IKZF2: variants seen among roughly 807,000 people sequenced by gnomAD.
The protein encoded by IKZF2 is IKAROS family zinc finger 2.
Under a neutral mutation model 49.2 loss-of-function variants are expected in IKZF2, and 15 were observed. The ratio of observed to expected loss-of-function variants is 0.30; its 90% CI spans 0.20 to 0.47. The LOEUF (loss-of-function observed/expected upper bound fraction) is 0.47. Among genes scored for constraint, IKZF2 ranks in the 20% least tolerant of loss-of-function variants. IKZF2 has a pLI of 1.00. For missense variants in IKZF2, 567 were observed against 664.6 expected, an observed-to-expected ratio of 0.85 and a Z score of 1.61; for synonymous variants, 227 against 221.4, an observed-to-expected ratio of 1.03 and a Z score of -0.23.
At chr2:213,025,596 C>T (rs1476888993) in intron 6 of IKZF2, among the ~76,000 whole-genome samples, 1 of 152,212 alleles carries the variant, frequency 6.6e-6, no homozygotes, top group Non-Finnish European at 1.5e-5. Context: ...TAATACATAT[C>T]GAGTTATTAA....
intron 8 of IKZF2, among the ~76,000 whole-genome samples, chr2:213,013,073 A>G (rs764091424): frequency 6.6e-6 from 1 of 152,022 alleles, no homozygotes; most frequent in African/African-American, 2.4e-5. Context: ...ATGAAAAGGG[A>G]AAGTCTAAAT....
intron 4 of IKZF2, among the ~76,000 whole-genome samples, chr2:213,124,251 CG>C (rs1327651322): frequency 1.9e-4 from 18 of 97,282 alleles, no homozygotes; most frequent in African/African-American, 8.2e-4. Context: ...CGCGCGCGCG[CG>C]CACACACACA....
At chr2:213,106,656 A>G (rs1014513854) in intron 4 of IKZF2, among the ~76,000 whole-genome samples, 2 of 151,232 alleles carry the variant, frequency 1.3e-5, no homozygotes, top group African/African-American at 4.8e-5. Context: ...AAAAAAAAAA[A>G]GAAAAAAGAA....
At chr2:213,024,845 ATTG>A (rs1479092456) in intron 6 of IKZF2, among the ~76,000 whole-genome samples, 1 of 152,094 alleles carries the variant, frequency 6.6e-6, no homozygotes, top group African/African-American at 2.4e-5. Context: ...TCATAAAAAT[ATTG>A]TTTATACTTA....
intron 6 of IKZF2, among the ~76,000 whole-genome samples, chr2:213,031,504 CA>C (rs1183321957): frequency 3.9e-5 from 6 of 152,112 alleles, no homozygotes; most frequent in African/African-American, 1.4e-4. Context: ...GAAAAATAGT[CA>C]CAATTCAAAC....
intron 4 of IKZF2, among the ~76,000 whole-genome samples, chr2:213,086,486 G>A (rs1379264484): frequency 6.6e-6 from 1 of 152,182 alleles, no homozygotes; most frequent in Non-Finnish European, 1.5e-5. Context: ...TGTGGCTGAA[G>A]GGAAGCAAAA....
chr2:213,021,200 G>A (rs980901501), intron 7 of IKZF2, among the ~76,000 whole-genome samples: 3 of 151,544 alleles, frequency 2.0e-5, no homozygotes, highest in African/African-American at 7.3e-5. Flanking sequence ...GTGGCAAAGT[G>A]AGAGTCCATC....
At chr2:213,064,439 T>A (rs1317121041) in intron 4 of IKZF2, among the ~76,000 whole-genome samples, 2 of 151,978 alleles carry the variant, frequency 1.3e-5, no homozygotes, top group East Asian at 3.9e-4. Context: ...TGTAAACGAA[T>A]GGAGGGCAAA....
chr2:213,071,180 T>C (rs1702660429), intron 4 of IKZF2, among the ~76,000 whole-genome samples: 2 of 152,106 alleles, frequency 1.3e-5, no homozygotes, highest in African/African-American at 2.4e-5. Context: ...AAAATGTTTC[T>C]ACAAATATGG....
At chr2:213,028,902 T>C (rs946734182) in intron 6 of IKZF2, among the ~76,000 whole-genome samples, 5 of 152,216 alleles carry the variant, frequency 3.3e-5, no homozygotes, top group Admixed American at 6.5e-5. Flanking sequence ...CAAATACTTT[T>C]TCTGAAACTT....
intron 7 of IKZF2, chr2:213,015,202 A>T (rs184333181): frequency 6.6e-6 from 1 of 152,214 alleles, no homozygotes; most frequent in Non-Finnish European, 1.5e-5. Context: ...TGATTTGGAC[A>T]TGTTTAAAGA....
intron 4 of IKZF2, among the ~76,000 whole-genome samples, chr2:213,096,986 T>C (rs181236760): frequency 6.2e-4 from 95 of 152,132 alleles, no homozygotes; most frequent in Admixed American, 1.4e-3. Context: ...TTTGTCGCGT[T>C]AATTATTAAT....
At chr2:213,058,739 C>T (rs543227180) in intron 4 of IKZF2, among the ~76,000 whole-genome samples, 50 of 151,956 alleles carry the variant, frequency 3.3e-4, no homozygotes, top group Admixed American at 5.9e-4. Context: ...AAGTAGTATT[C>T]ACTGAGATGT....
In IKZF2 at chr2:213,094,513, A is replaced by T. The variant is rs535250546; in HGVS notation, c.140-37414T>A. The stretch of plus-strand genomic sequence containing the variant: ...ACCATCTTTCCTGGAAGAATCTGAG[A>T]CCCCCCTAGCCTGGGAGAGAACATC... On this transcript the variant is annotated intron_variant, in intron 4 of 8. Transcript: ENST00000434687. Among the ~76,000 whole-genome samples the T allele has an allele frequency of 2.0e-5, 3 of 151,684 alleles. No homozygotes were observed. In the South Asian group the frequency reaches 6.3e-4, roughly 32 times the overall value.
At chr2:213,097,606 T>A (rs1481147411) in intron 4 of IKZF2, among the ~76,000 whole-genome samples, 1 of 151,972 alleles carries the variant, frequency 6.6e-6, no homozygotes, top group Non-Finnish European at 1.5e-5. Flanking sequence ...TTACAAAATA[T>A]AATTAAACTT....
Position 213,005,999 on chromosome 2 carries a change from A to G in IKZF2, c.*1361T>C, listed in dbSNP as rs1695313095. On this transcript the variant is annotated 3_prime_UTR_variant, in exon 9 of 9. Coordinates refer to ENST00000434687, the MANE Select transcript of IKZF2 (RefSeq NM_001387220.1). Reference sequence around the variant, plus strand: ...ACATTCTAGACTCCAAGAAGGGTAAAAGTAAACTTTCTTATTTTTTTGTTT... The same window carrying G: ...ACATTCTAGACTCCAAGAAGGGTAAGAGTAAACTTTCTTATTTTTTTGTTT... 6.6e-6 allele frequency: 1 copy of G among 152,074 alleles called. No individual in the cohort carries two copies. The highest frequency in any genetic ancestry group is 6.6e-5 in the Admixed American group (1 of 15,256). The allele number at this position is 152,074 out of a possible 1,614,324, so 9.4% of individuals were successfully genotyped here.
chr2:213,038,163 C>G (rs1320801023), intron 6 of IKZF2, among the ~76,000 whole-genome samples: 1 of 151,256 alleles, frequency 6.6e-6, no homozygotes, highest in Non-Finnish European at 1.5e-5. Flanking sequence ...CAGATGCACG[C>G]CGTTCTCCTG....
At chr2:213,061,363 A>G (rs1279172027) in intron 4 of IKZF2, among the ~76,000 whole-genome samples, 2 of 151,358 alleles carry the variant, frequency 1.3e-5, no homozygotes, top group Admixed American at 1.3e-4. Flanking sequence ...GATCATTGTG[A>G]AAAAAAAGTA....
At chr2:213,088,640 T>A (rs1704942555) in intron 4 of IKZF2, among the ~76,000 whole-genome samples, 1 of 152,056 alleles carries the variant, frequency 6.6e-6, no homozygotes, top group East Asian at 1.9e-4. Flanking sequence ...GCGGCTGTAA[T>A]CACACCACTT....
Sources: gnomAD v4.1 joint callset for allele counts (sites outside exome capture counted in the v4.1 genomes callset) on GRCh38, gnomAD v4.1.1 for gene constraint, MANE v1.5 for transcripts, NCBI Gene and HGNC (gene_info 2026-07-23, HGNC 2026-07-21) for gene names.